GABRG3: variants seen among roughly 807,000 people sequenced by gnomAD.
GABRG3 encodes the protein gamma-aminobutyric acid type A receptor subunit gamma3.
GABRG3 carries 25 observed loss-of-function variants against 48.8 expected under a neutral mutation model. The observed-to-expected ratio is 0.51, with a 90% CI of 0.37 to 0.72. GABRG3 has a LOEUF of 0.72. Ranked by LOEUF, GABRG3 falls within the 30% of genes least tolerant of loss-of-function variation. The pLI, the probability that GABRG3 is intolerant of heterozygous loss-of-function variation, is 0.00. For synonymous variants in GABRG3, 227 were observed against 217.6 expected (o/e 1.04, Z -0.38); for missense variants, 394 against 577.9 (o/e 0.68, Z 3.26).
chr15:27,299,093 G>A (rs1892105886), intron 3 of GABRG3, among the ~76,000 whole-genome samples: 1 of 152,152 alleles, frequency 6.6e-6, no homozygotes, highest in African/African-American at 2.4e-5. Flanking sequence ...AGACCAGTCT[G>A]TTCAACATGG....
chr15:27,027,414 G>C (rs1311643769), intron 3 of GABRG3, among the ~76,000 whole-genome samples: 1 of 152,212 alleles, frequency 6.6e-6, no homozygotes, highest in Non-Finnish European at 1.5e-5. Context: ...GCAGCCTCAA[G>C]CATTGTCAGG....
At chr15:27,532,093 A>G (rs1360768975) in intron 9 of GABRG3, among the ~76,000 whole-genome samples, 2 of 152,184 alleles carry the variant, frequency 1.3e-5, no homozygotes, top group South Asian at 2.1e-4. Context: ...CCCCACTTCA[A>G]TATACATACT....
chr15:27,026,348 T>A (rs534875145), intron 2 of GABRG3, among the ~76,000 whole-genome samples: 75 of 152,344 alleles, frequency 4.9e-4, no homozygotes, highest in Non-Finnish European at 1.0e-3. Context: ...GTCACTGACA[T>A]TGCTCCTCTC....
intron 3 of GABRG3, among the ~76,000 whole-genome samples, chr15:27,067,402 G>A (rs536267440): frequency 1.9e-4 from 29 of 152,336 alleles, no homozygotes; most frequent in East Asian, 7.7e-4. Flanking sequence ...TGGAGGGAGC[G>A]TGTTCCTGCT....
intron 3 of GABRG3, among the ~76,000 whole-genome samples, chr15:27,296,744 G>C (rs866716993): frequency 3.9e-5 from 6 of 151,948 alleles, no homozygotes; most frequent in African/African-American, 1.4e-4. Flanking sequence ...GGGCAATTAT[G>C]CACAGTACCT....
chr15:27,186,587 T>A (rs2098349699), intron 3 of GABRG3, among the ~76,000 whole-genome samples: 1 of 152,132 alleles, frequency 6.6e-6, no homozygotes, highest in African/African-American at 2.4e-5. Flanking sequence ...CTTTGAGAAA[T>A]CTCTAAACTG....
intron 3 of GABRG3, among the ~76,000 whole-genome samples, chr15:27,102,751 G>A (rs7170956): frequency 1.8e-4 from 28 of 152,238 alleles, no homozygotes; most frequent in African/African-American, 6.7e-4. Context: ...GTACTAACAA[G>A]TAAATAGATT....
chr15:27,098,197 G>A (rs1487010386), intron 3 of GABRG3, among the ~76,000 whole-genome samples: 1 of 152,102 alleles, frequency 6.6e-6, no homozygotes, highest in Admixed American at 6.6e-5. Flanking sequence ...ACTTTGAGAG[G>A]CCAAGGCGAG....
chr15:27,530,948 CCTT>C (rs1167232832), intron 9 of GABRG3: 2 of 328,776 alleles, frequency 6.1e-6, no homozygotes, highest in African/African-American at 4.3e-5. Flanking sequence ...GAGGCAGATC[CCTT>C]CAATGCAGTG....
At chr15:27,101,667 A>G (rs912869474) in intron 3 of GABRG3, among the ~76,000 whole-genome samples, 78 of 152,184 alleles carry the variant, frequency 5.1e-4, no homozygotes, top group African/African-American at 1.9e-3. Flanking sequence ...TGCAAGAGCA[A>G]TTCAATGGAG....
intron 3 of GABRG3, among the ~76,000 whole-genome samples, chr15:27,103,226 A>T (rs927521598): frequency 2.0e-5 from 3 of 152,204 alleles, no homozygotes; most frequent in African/African-American, 7.2e-5. Context: ...TTTGACGTAT[A>T]CATATTTTCC....
intron 5 of GABRG3, among the ~76,000 whole-genome samples, chr15:27,468,155 G>A (rs1011765833): frequency 2.0e-5 from 3 of 152,222 alleles, no homozygotes; most frequent in Admixed American, 6.5e-5. Context: ...TGACACCATC[G>A]TGAGAAGGAA....
chr15:27,203,911 A>G (rs886637115), intron 3 of GABRG3, among the ~76,000 whole-genome samples: 5 of 151,080 alleles, frequency 3.3e-5, no homozygotes, highest in Non-Finnish European at 7.4e-5. Flanking sequence ...TGTTGATTTG[A>G]TTAAGTTCCT....
intron 3 of GABRG3, among the ~76,000 whole-genome samples, chr15:27,141,404 A>G (rs189861204): frequency 9.7e-4 from 147 of 152,316 alleles, no homozygotes; most frequent in Middle Eastern, 3.4e-3. Context: ...AACATTAGAC[A>G]TATTTCTAGG....
At chr15:27,271,048 G>A (rs28625958) in intron 3 of GABRG3, among the ~76,000 whole-genome samples, 16,519 of 152,122 alleles carry the variant, frequency 0.11, 1,546 homozygotes, top group African/African-American at 0.25. Flanking sequence ...GTTATTTGTT[G>A]TGATTTTACA....
intron 3 of GABRG3, among the ~76,000 whole-genome samples, chr15:27,174,762 T>C (rs1326191166): frequency 6.6e-6 from 1 of 152,206 alleles, no homozygotes. Flanking sequence ...TTGGCTTTCA[T>C]GACTTTTGAC....
intron 5 of GABRG3, among the ~76,000 whole-genome samples, chr15:27,401,983 C>T (rs752645747): frequency 4.6e-5 from 7 of 152,152 alleles, no homozygotes; most frequent in Non-Finnish European, 8.8e-5. Context: ...AATTTTGACA[C>T]TGTCAGGGAT....
At chr15:27,127,245 T>C (rs1897836735) in intron 3 of GABRG3, among the ~76,000 whole-genome samples, 1 of 152,032 alleles carries the variant, frequency 6.6e-6, no homozygotes, top group African/African-American at 2.4e-5. Context: ...ATATGATAGA[T>C]ATATAGAATG....
At chr15:27,374,796 C>G (rs1297151521) in intron 5 of GABRG3, among the ~76,000 whole-genome samples, 2 of 152,188 alleles carry the variant, frequency 1.3e-5, no homozygotes, top group Non-Finnish European at 1.5e-5. Context: ...TCATTATTGG[C>G]TGAGGTCCTG....
Sources: allele counts gnomAD v4.1 joint callset (sites outside exome capture counted in the v4.1 genomes callset), GRCh38; gene constraint gnomAD v4.1.1; transcripts MANE v1.5; gene names NCBI Gene and HGNC (gene_info 2026-07-23, HGNC 2026-07-21).